The following ZBTB20 variants were observed in gnomAD, a reference collection of about 807,000 sequenced individuals.
The protein encoded by ZBTB20 is zinc finger and BTB domain containing 20, also known as zinc finger and BTB domain-containing protein 20.
In ZBTB20, 9 loss-of-function variants were observed where a neutral mutation model predicts 56.9. The observed-to-expected ratio is 0.16, with a 90% CI of 0.10 to 0.28. The LOEUF (loss-of-function observed/expected upper bound fraction) is 0.28. Among genes scored for constraint, ZBTB20 ranks in the 10% least tolerant of loss-of-function variants. The pLI is 1.00. For synonymous variants in ZBTB20, 417 were observed against 420.7 expected (o/e 0.99, Z 0.11); for missense variants, 655 against 1,003.0 (o/e 0.65, Z 4.69).
chr3:114,652,698 C>A (rs554410697), intron 6 of ZBTB20, among the ~76,000 whole-genome samples: 4 of 151,894 alleles, frequency 2.6e-5, no homozygotes, highest in South Asian at 2.1e-4. Context: ...ATAAATTTGA[C>A]AATTTATCTT....
intron 7 of ZBTB20, among the ~76,000 whole-genome samples, chr3:114,395,414 T>G (rs1005578923): frequency 6.6e-6 from 1 of 152,162 alleles, no homozygotes; most frequent in Admixed American, 6.6e-5. Flanking sequence ...GAGGTTGGTT[T>G]TATGATTTTT....
At chr3:114,577,924 C>G (rs902886431) in intron 6 of ZBTB20, among the ~76,000 whole-genome samples, 2 of 152,202 alleles carry the variant, frequency 1.3e-5, no homozygotes, top group East Asian at 3.9e-4. Flanking sequence ...AAAACAAAAC[C>G]TGTAAAACAA....
chr3:114,446,485 A>G (rs2091279768), intron 7 of ZBTB20, among the ~76,000 whole-genome samples: 1 of 152,192 alleles, frequency 6.6e-6, no homozygotes. Flanking sequence ...TGTTTAAAAG[A>G]TGTCACAGTA....
intron 1 of ZBTB20, among the ~76,000 whole-genome samples, chr3:115,114,257 A>G (rs2108632870): frequency 6.6e-6 from 1 of 152,260 alleles, no homozygotes; most frequent in South Asian, 2.1e-4. Context: ...CAGTCATCTG[A>G]AAATACAGTA....
At chr3:114,793,921 G>T (rs1056502051) in intron 5 of ZBTB20, among the ~76,000 whole-genome samples, 1 of 152,018 alleles carries the variant, frequency 6.6e-6, no homozygotes, top group Admixed American at 6.6e-5. Context: ...TCTGCTAAAT[G>T]TAACTATTTT....
chr3:114,708,304 T>C (rs1018019448), intron 5 of ZBTB20, among the ~76,000 whole-genome samples: 1 of 152,152 alleles, frequency 6.6e-6, no homozygotes, highest in African/African-American at 2.4e-5. Context: ...ACAGCATGGC[T>C]TTGAATCAAA....
chr3:114,829,040 G>T (rs2108949425), intron 4 of ZBTB20, among the ~76,000 whole-genome samples: 1 of 151,840 alleles, frequency 6.6e-6, no homozygotes, highest in East Asian at 1.9e-4. Flanking sequence ...GTGAAAAATT[G>T]GGGATCTTTA....
At chr3:114,917,888 C>T (rs2075808854) in intron 3 of ZBTB20, among the ~76,000 whole-genome samples, 1 of 146,580 alleles carries the variant, frequency 6.8e-6, no homozygotes, top group South Asian at 2.2e-4. Flanking sequence ...TTGGCTGCTG[C>T]CTACATTCAC....
rs149563127 is a variant in ZBTB20 at position 114,395,846 on chromosome 3, T to C, written c.-254-6741A>G. ...CCCACTGTTTGTCACATTAAATCTA[T>C]GTTAATTTTCTCCATAGAGACCTCT... is the stretch of plus-strand genomic sequence containing the variant. On this transcript the variant is annotated intron_variant, in intron 7 of 11. Transcript: ENST00000675478. Among the ~76,000 whole-genome samples, 239 of 152,318 alleles carry C rather than the reference T, an allele frequency of 1.6e-3. 1 individual carries two copies. In the Middle Eastern group the frequency reaches 0.027, roughly 17 times the overall value.
intron 4 of ZBTB20, among the ~76,000 whole-genome samples, chr3:114,875,866 T>C (rs2076172396): frequency 6.6e-6 from 1 of 152,190 alleles, no homozygotes; most frequent in African/African-American, 2.4e-5. Context: ...ACATGAGGTA[T>C]TCCATTCTAG....
chr3:114,568,571 C>A (rs1202172024), intron 6 of ZBTB20, among the ~76,000 whole-genome samples: 1 of 152,132 alleles, frequency 6.6e-6, no homozygotes, highest in Non-Finnish European at 1.5e-5. Flanking sequence ...TCCTGGTATG[C>A]CAGTTTAACT....
At chr3:114,917,281 CTA>C (rs2075782974) in intron 3 of ZBTB20, among the ~76,000 whole-genome samples, 1 of 152,162 alleles carries the variant, frequency 6.6e-6, no homozygotes, top group Non-Finnish European at 1.5e-5. Context: ...CTTCTCTATG[CTA>C]TCTTGAATTT....
intron 6 of ZBTB20, among the ~76,000 whole-genome samples, chr3:114,573,353 G>A (rs960680065): frequency 3.3e-5 from 5 of 151,766 alleles, no homozygotes; most frequent in African/African-American, 7.3e-5. Context: ...CCAGCTACTC[G>A]GGAGGCTGTG....
chr3:114,399,065 T>C (rs1451194831), intron 7 of ZBTB20, among the ~76,000 whole-genome samples: 2 of 152,192 alleles, frequency 1.3e-5, no homozygotes. Context: ...CCTGAGTTTT[T>C]CAGATTAGAT....
intron 6 of ZBTB20, among the ~76,000 whole-genome samples, chr3:114,688,596 CCTTTCCT>C (rs1334942913): frequency 4.6e-5 from 7 of 152,070 alleles, no homozygotes; most frequent in Non-Finnish European, 8.8e-5. Context: ...TTACAAACAG[CCTTTCCT>C]CTTTCCTGTT....
intron 3 of ZBTB20, among the ~76,000 whole-genome samples, chr3:114,924,834 C>T (rs1344388817): frequency 3.3e-5 from 5 of 151,890 alleles, no homozygotes; most frequent in Non-Finnish European, 7.4e-5. Flanking sequence ...TTTTCTCACT[C>T]CTTTTTAGAT....
chr3:114,883,943 T>TTTTTTTTA lies in ZBTB20; in HGVS notation c.-417+16360_-417+16361insTAAAAAAA, dbSNP rs2076500322. On this transcript the variant is annotated intron_variant, in intron 4 of 11. Transcript: ENST00000675478. ...TTTTTTTTTTTTTTTTTTTTTTTTT[T>TTTTTTTTA]GAGACGGAGTCTCGCTCTGTCGCCC... 1.7e-5 allele frequency among the ~76,000 whole-genome samples: 2 copies of TTTTTTTTA among 117,374 alleles called. 1 individual carries two copies. Among genetic ancestry groups the TTTTTTTTA allele is most frequent in the South Asian group, 6.3e-4 (2 of 3,156 alleles). 77.0% of individuals were successfully genotyped at this position (117,374 alleles called of 152,430 possible).
chr3:114,705,489 T>A (rs539522017), intron 5 of ZBTB20, among the ~76,000 whole-genome samples: 1 of 152,036 alleles, frequency 6.6e-6, no homozygotes, highest in Admixed American at 6.6e-5. Context: ...TAATATAGAA[T>A]CAGATTGGAA....
chr3:114,481,651 C>T (rs1664906366), intron 7 of ZBTB20, among the ~76,000 whole-genome samples: 1 of 152,196 alleles, frequency 6.6e-6, no homozygotes, highest in Admixed American at 6.5e-5. Context: ...TCTGTTTCCT[C>T]TCTGTTTCTT....
Sources: gnomAD v4.1 joint callset for allele counts (sites outside exome capture counted in the v4.1 genomes callset) on GRCh38, gnomAD v4.1.1 for gene constraint, MANE v1.5 for transcripts, NCBI Gene and HGNC (gene_info 2026-07-23, HGNC 2026-07-21) for gene names.